Variants in ATP11C observed in about 807,000 individuals in gnomAD.
ATP11C encodes phospholipid-transporting ATPase IG.
Under a neutral mutation model 97.4 loss-of-function variants are expected in ATP11C, and 36 were observed. The observed-to-expected ratio is 0.37, with a 90% confidence interval of 0.28 to 0.49. The LOEUF is 0.49. Among genes scored for constraint, ATP11C ranks in the 20% least tolerant of loss-of-function variants. The pLI is 0.98. For missense variants in ATP11C, 730 were observed against 824.6 expected (o/e 0.89, Z 1.40); for synonymous variants, 275 against 290.9 (o/e 0.95, Z 0.56).
At chrX:139,861,741 C>T (rs977347475) in intron 1 of ATP11C, among the ~76,000 whole-genome samples, 1 of 106,414 alleles carries the variant, frequency 9.4e-6, no homozygotes, top group Non-Finnish European at 1.9e-5. Flanking sequence ...AAATCAAATT[C>T]GTGTAGTCCT....
At chrX:139,864,049 C>G (rs1042364248) in intron 1 of ATP11C, among the ~76,000 whole-genome samples, 22 of 111,015 alleles carry the variant, frequency 2.0e-4, no homozygotes, top group Non-Finnish European at 4.1e-4. Context: ...GTCTGGGCGA[C>G]AGAGCAAGAC....
intron 20 of ATP11C, among the ~76,000 whole-genome samples, chrX:139,767,376 C>G (rs1019347243): frequency 2.7e-5 from 3 of 111,093 alleles, no homozygotes; most frequent in Non-Finnish European, 3.8e-5. Context: ...GTAGGACCAA[C>G]AGGACATGGC....
intron 1 of ATP11C, among the ~76,000 whole-genome samples, chrX:139,901,099 G>A (rs899454101): frequency 5.4e-5 from 6 of 111,682 alleles, no homozygotes; most frequent in African/African-American, 2.0e-4. Context: ...AAACCCCTGG[G>A]TTTGGGTTTT....
intron 1 of ATP11C, among the ~76,000 whole-genome samples, chrX:139,906,124 G>A (rs1035976395): frequency 9.0e-6 from 1 of 111,158 alleles, no homozygotes; most frequent in African/African-American, 3.3e-5. Context: ...AGCCAAGGCT[G>A]GGCATAGTGG....
intron 1 of ATP11C, among the ~76,000 whole-genome samples, chrX:139,927,061 T>A (rs1469924193): frequency 6.2e-5 from 7 of 112,164 alleles, no homozygotes; most frequent in African/African-American, 2.3e-4. Flanking sequence ...AAGTATGTAA[T>A]AGTAACTTAT....
chrX:139,808,677 T>G (rs1168519064), intron 5 of ATP11C, among the ~76,000 whole-genome samples: 1 of 112,156 alleles, frequency 8.9e-6, no homozygotes, highest in Non-Finnish European at 1.9e-5. Flanking sequence ...GAACATTCAC[T>G]TCCAGCAGAT....
At chrX:139,862,176 G>C (rs190446804) in intron 1 of ATP11C, among the ~76,000 whole-genome samples, 1 of 111,848 alleles carries the variant, frequency 8.9e-6, no homozygotes, top group East Asian at 2.8e-4. Flanking sequence ...GGTTCCTAGA[G>C]GGTGGTACAC....
intron 15 of ATP11C, 131 bp downstream of exon 15, chrX:139,787,042 T>C: frequency 1.1e-6 from 1 of 939,459 alleles, no homozygotes; most frequent in South Asian, 2.4e-5. Flanking sequence ...TATATTTACA[T>C]AAAACTCTGA....
chrX:139,863,331 G>A (rs968112448), intron 1 of ATP11C, among the ~76,000 whole-genome samples: 3 of 111,491 alleles, frequency 2.7e-5, no homozygotes, highest in Non-Finnish European at 3.8e-5. Context: ...TCAGGAGTTC[G>A]AGACCAGCCT....
At chrX:139,920,513 C>T (rs1390912747) in intron 1 of ATP11C, among the ~76,000 whole-genome samples, 1 of 111,391 alleles carries the variant, frequency 9.0e-6, no homozygotes, top group Non-Finnish European at 1.9e-5. Context: ...TGGGTGGTTG[C>T]CAAGGGCTGA....
chrX:139,832,985 T>A (rs1463099822), intron 1 of ATP11C, among the ~76,000 whole-genome samples: 1 of 112,248 alleles, frequency 8.9e-6, no homozygotes, highest in African/African-American at 3.2e-5. Context: ...ACTTTCTAGA[T>A]CACCACAGAA....
intron 10 of ATP11C, 22 bp from the exon 11 acceptor site, chrX:139,797,348 A>T: frequency 9.0e-7 from 1 of 1,108,098 alleles, no homozygotes; most frequent in South Asian, 2.1e-5. Flanking sequence ...GATAGCATGG[A>T]TTTTAAAACC....
intron 1 of ATP11C, among the ~76,000 whole-genome samples, chrX:139,852,691 G>C (rs2084017905): frequency 9.1e-6 from 1 of 109,906 alleles, no homozygotes; most frequent in Non-Finnish European, 1.9e-5. Context: ...AGGATGGAGT[G>C]AGTGGGTCCT....
Position 139,726,985 on chromosome X carries a change from G to A in ATP11C, c.*1981C>T, listed in dbSNP as rs1394370015. 9.0e-6 allele frequency: 1 copy of A among 111,679 alleles called. No homozygotes were observed. The highest frequency in any genetic ancestry group is 1.9e-5 in the Non-Finnish European group (1 of 53,061). 9.2% of individuals were successfully genotyped at this position (111,679 alleles called of 1,213,427 possible). On this transcript the variant is annotated 3_prime_UTR_variant, in exon 30 of 30. Coordinates refer to ENST00000682941, the MANE Select transcript of ATP11C (RefSeq NM_001353812.2). The stretch of plus-strand genomic sequence containing the variant: ...CATGTATCATTGCCATTCTGAATTT[G>A]AGCTGCAGTATCACAATGTAATGTG...
intron 1 of ATP11C, among the ~76,000 whole-genome samples, chrX:139,834,458 G>A (rs1476963473): frequency 1.8e-5 from 2 of 111,454 alleles, no homozygotes; most frequent in Non-Finnish European, 1.9e-5. Context: ...CAAAGCTTTG[G>A]ATTTGAAGCT....
rs762947590 is a variant in ATP11C at position 139,789,337 on chromosome X, T to C, written c.1358A>G (p.Lys453Arg). 8.3e-7 allele frequency: 1 copy of C among 1,202,445 alleles called. No homozygotes were observed. Among genetic ancestry groups the C allele is most frequent in the East Asian group, 3.0e-5 (1 of 33,687 alleles). ...ATAATGCAAATGCACCTTATCTACT[T>C]TGTCAAAATATGTTAAAGTTCCATC... Reference protein sequence around the residue: ...QTDGTLTYFDKVDKNREELFL... With the variant: ...QTDGTLTYFDRVDKNREELFL... The change falls in exon 13 of 30, where the codon AAA becomes AGA. Residue 453 changes from lysine to arginine, a missense_variant. Lys to Arg is a conservative substitution (Grantham distance 26, BLOSUM62 2). Coordinates refer to ENST00000682941, the MANE Select transcript of ATP11C (RefSeq NM_001353812.2).
At chrX:139,787,777 T>C (rs1404924310) in intron 14 of ATP11C, among the ~76,000 whole-genome samples, 18 of 112,499 alleles carry the variant, frequency 1.6e-4, no homozygotes, top group Non-Finnish European at 3.8e-5. Context: ...ATTCTACGGC[T>C]AACACACTGG....
intron 23 of ATP11C, among the ~76,000 whole-genome samples, chrX:139,751,098 G>A (rs1221350708): frequency 8.9e-6 from 1 of 112,139 alleles, no homozygotes; most frequent in African/African-American, 3.2e-5. Flanking sequence ...TTCAATCAAT[G>A]GCTACTAAAG....
chrX:139,847,769 A>G (rs2083932404), intron 1 of ATP11C, among the ~76,000 whole-genome samples: 1 of 109,411 alleles, frequency 9.1e-6, no homozygotes, highest in Non-Finnish European at 1.9e-5. Context: ...TCTATATCTT[A>G]ACATCAGAAA....
Sources: allele counts gnomAD v4.1 joint callset (sites outside exome capture counted in the v4.1 genomes callset), GRCh38; gene constraint gnomAD v4.1.1; transcripts MANE v1.5; gene names NCBI Gene and HGNC (gene_info 2026-07-23, HGNC 2026-07-21).